The following C1orf232 variants were observed in gnomAD, a reference collection of about 807,000 sequenced individuals.
C1orf232 encodes the protein chromosome 1 open reading frame 230.
C1orf232 carries 10 observed loss-of-function variants against 12.1 expected under a neutral mutation model. That is an observed-to-expected ratio of 0.82 (90% confidence interval 0.51 to 1.40). The LOEUF is 1.40. C1orf232 is among the 40% of genes most tolerant of loss of function. The pLI is 0.00. For synonymous variants in C1orf232, 36 were observed against 39.8 expected (o/e 0.90, Z 0.36); for missense variants, 88 against 98.4 (o/e 0.89, Z 0.45).
intron 1 of C1orf232, among the ~76,000 whole-genome samples, chr1:26,168,113 C>A (rs1302861583): frequency 1.3e-5 from 2 of 152,164 alleles, no homozygotes; most frequent in Non-Finnish European, 2.9e-5. Flanking sequence ...AAAGTTGTGT[C>A]CAGCTAAGTG....
At chr1:26,165,373 A>T (rs1163772537) in intron 3 of C1orf232, among the ~76,000 whole-genome samples, 2 of 152,130 alleles carry the variant, frequency 1.3e-5, no homozygotes, top group African/African-American at 4.8e-5. Flanking sequence ...TGCTGAAAAC[A>T]TGGCTAGATC....
At position 26,164,233 on chromosome 1, in the gene C1orf232, G is replaced by A. The variant is rs112999931; in HGVS notation, c.489C>T (p.Ala163=). ...RPESQEAEPV[A]GFKWGFLTHK... ...GAGTGAGGAAGCCCCACTTGAAGCCGGCCACCGGCTCGGCCTCCTGCGACT... is the reference window on the plus strand; with the variant it reads ...GAGTGAGGAAGCCCCACTTGAAGCCAGCCACCGGCTCGGCCTCCTGCGACT... Residue 163 remains alanine (A), a synonymous_variant, in exon 4 of 4, where the codon GCC becomes GCT. Coordinates refer to ENST00000634842, the MANE Select transcript of C1orf232 (RefSeq NM_001364669.2). This position sits in a 1 kb window ranked among gnomAD's most constrained non-coding sequence, Gnocchi z 4.2. 5.6e-3 allele frequency: 2,225 copies of A among 398,478 alleles called. 39 individuals carry two copies. Among genetic ancestry groups the A allele is most frequent in the African/African-American group, 0.041 (2,021 of 48,740 alleles). 24.7% of individuals were successfully genotyped at this position (398,478 alleles called of 1,614,324 possible).
rs1001807789 is a variant in C1orf232, at chr1:26,165,727, C to G, written c.266+99G>C. The G allele has an allele frequency of 1.1e-5, 14 of 1,231,354 alleles. No homozygotes were observed. The African/African-American group carries it at 2.2e-4, about 19-fold the overall frequency. 76.3% of individuals were successfully genotyped at this position (1,231,354 alleles called of 1,614,324 possible). On this transcript the variant is annotated intron_variant, in intron 3 of 3. Transcript: ENST00000634842. ...AGCCTGGGACTGCCCCTCCCCAGCC[C>G]TCAGTGGTTAGAAAGACAAACAAAC...
rs941407853 is a variant in C1orf232 at position 26,164,173 on chromosome 1, G to A, written c.549C>T (p.Pro183=). ...TTCTGCCAGCCTGCTAGTCACCCTT[G>A]GGCGCAGCCTTCACCCTCATCTCGG... ...KLAEMRVKAA[P]KGD Residue 183 remains proline, a synonymous_variant, in exon 4 of 4, where the codon CCC becomes CCT. Transcript: ENST00000634842. This position sits in a 1 kb window ranked among gnomAD's most constrained non-coding sequence, Gnocchi z 4.2. 1.8e-5 allele frequency: 7 copies of A among 398,356 alleles called. No homozygotes were observed. The highest frequency in any genetic ancestry group is 2.7e-5 in the Non-Finnish European group (6 of 225,956). 24.7% of individuals were successfully genotyped at this position (398,356 alleles called of 1,614,324 possible). A position where few individuals can be genotyped will look rare whatever the true frequency, so the allele number is the denominator to read the frequency against.
Position 26,164,548 on chromosome 1 carries a change from A to G in C1orf232, c.267-93T>C, listed in dbSNP as rs1170971663. ...CGGAGGAGTTTAGTGGGGCCGGGGG[A>G]ACCTGGGCGGAGTCAGGGGCAGTGG... On this transcript the variant is annotated intron_variant, in intron 3 of 3. Coordinates refer to ENST00000634842, the MANE Select transcript of C1orf232 (RefSeq NM_001364669.2). This position sits in a 1 kb window ranked among gnomAD's most constrained non-coding sequence, Gnocchi z 4.2. 3 of 355,878 alleles carry G rather than the reference A, an allele frequency of 8.4e-6. No individual in the cohort carries two copies. Among genetic ancestry groups the G allele is most frequent in the East Asian group, 4.3e-5 (1 of 23,296 alleles). 22.0% of individuals were successfully genotyped at this position (355,878 alleles called of 1,614,324 possible).
chr1:26,165,206 G>C (rs1194289930), intron 3 of C1orf232, among the ~76,000 whole-genome samples: 1 of 151,938 alleles, frequency 6.6e-6, no homozygotes, highest in Non-Finnish European at 1.5e-5. Flanking sequence ...GTGAGAGGGG[G>C]ATGTGATCAG....
At position 26,164,525 on chromosome 1, in the gene C1orf232, G is replaced by A. The variant is rs1372691574; in HGVS notation, c.267-70C>T. 8.1e-6 allele frequency: 3 copies of A among 368,308 alleles called. No homozygotes were observed. The highest frequency in any genetic ancestry group is 4.2e-5 in the African/African-American group (2 of 47,366). The allele number at this position is 368,308 out of a possible 1,614,324, so 22.8% of individuals were successfully genotyped here. On this transcript the variant is annotated intron_variant, in intron 3 of 3. Transcript: ENST00000634842. The surrounding 1 kb of genome is among the most constrained non-coding windows in gnomAD (Gnocchi z 4.2). Reference sequence around the variant, plus strand: ...CGGAGGAACATCGGCTGGGCTGACGGAGGAGTTTAGTGGGGCCGGGGGAAC... The same window carrying A: ...CGGAGGAACATCGGCTGGGCTGACGAAGGAGTTTAGTGGGGCCGGGGGAAC...
intron 1 of C1orf232, among the ~76,000 whole-genome samples, chr1:26,167,597 T>C (rs2088439571): frequency 6.6e-6 from 1 of 152,176 alleles, no homozygotes; most frequent in Non-Finnish European, 1.5e-5. Flanking sequence ...AGTGCTAGTA[T>C]TACAGGCAGA....
rs943699329 is a variant in C1orf232 at position 26,164,385 on chromosome 1, C to T, written c.337G>A (p.Ala113Thr). 5.1e-6 allele frequency: 2 copies of T among 390,988 alleles called. No individual in the cohort carries two copies. Among genetic ancestry groups the T allele is most frequent in the Non-Finnish European group, 9.0e-6 (2 of 221,302 alleles). The allele number at this position is 390,988 out of a possible 1,614,324, so 24.2% of individuals were successfully genotyped here. The change falls in exon 4 of 4, where the codon GCG (alanine) becomes ACG (threonine). Residue 113 changes from alanine to threonine, a missense_variant. Transcript: ENST00000634842. This position sits in a 1 kb window ranked among gnomAD's most constrained non-coding sequence, Gnocchi z 4.2. ...AEARGPGFWD[A>T]FASRWQQQQA... ...TGCTGCTGCCACCTGCTGGCGAACG[C>T]GTCCCAGAAGCCCGGGCCGCGCGCC...
At chr1:26,168,320 C>T in intron 1 of C1orf232, 96 bp downstream of exon 1, 1 of 884,886 alleles carries the variant, frequency 1.1e-6, no homozygotes, top group African/African-American at 1.7e-5. Context: ...AATGTGGCCC[C>T]CCCACCTCCA....
Position 26,168,623 on chromosome 1 carries a change from T to A in C1orf232, c.-124A>T. ...CTGTCCGAGGGATCCAGTGACTTCATTAAAGATGCACCAGCCTCCCCAGCT... is the reference window on the plus strand; with the variant it reads ...CTGTCCGAGGGATCCAGTGACTTCAATAAAGATGCACCAGCCTCCCCAGCT... On this transcript the variant is annotated 5_prime_UTR_variant, in exon 1 of 4. It removes an upstream start codon present in the reference 5' UTR. Transcript: ENST00000634842. The A allele has an allele frequency of 1.8e-6, 1 of 552,760 alleles. No individual in the cohort carries two copies. Among genetic ancestry groups the A allele is most frequent in the East Asian group, 3.5e-5 (1 of 28,732 alleles). The allele number at this position is 552,760 out of a possible 1,614,324, so 34.2% of individuals were successfully genotyped here.
rs2088407894 is a variant in C1orf232 at position 26,164,794 on chromosome 1, G to A, written c.267-339C>T. ...AGGCTCGAGGAGGGACGCTGGAGGC[G>A]TGCGCAGGTCTGGGAAGCTGGAAGG... On this transcript the variant is annotated intron_variant, in intron 3 of 3. Transcript: ENST00000634842. This position sits in a 1 kb window ranked among gnomAD's most constrained non-coding sequence, Gnocchi z 4.2. Among the ~76,000 whole-genome samples, 1 of 152,136 alleles carries A rather than the reference G, an allele frequency of 6.6e-6. No individual in the cohort carries two copies.
Position 26,164,524 on chromosome 1 carries a change from G to T in C1orf232, c.267-69C>A, listed in dbSNP as rs1027150815. On this transcript the variant is annotated intron_variant, in intron 3 of 3. Transcript: ENST00000634842. The surrounding 1 kb of genome is among the most constrained non-coding windows in gnomAD (Gnocchi z 4.2). Reference sequence around the variant, plus strand: ...GCGGAGGAACATCGGCTGGGCTGACGGAGGAGTTTAGTGGGGCCGGGGGAA... The same window carrying T: ...GCGGAGGAACATCGGCTGGGCTGACTGAGGAGTTTAGTGGGGCCGGGGGAA... 6 of 368,834 alleles carry T rather than the reference G, an allele frequency of 1.6e-5. No homozygotes were observed. The highest frequency in any genetic ancestry group is 2.9e-5 in the Non-Finnish European group (6 of 207,002). 22.8% of individuals were successfully genotyped at this position (368,834 alleles called of 1,614,324 possible). A position where few individuals can be genotyped will look rare whatever the true frequency, so the allele number is the denominator to read the frequency against.
intron 1 of C1orf232, among the ~76,000 whole-genome samples, chr1:26,167,278 A>G (rs186491451): frequency 1.3e-5 from 2 of 152,036 alleles, no homozygotes; most frequent in East Asian, 1.9e-4. Context: ...TGGAGCCTCG[A>G]CCTCCCTGGG....
intron 1 of C1orf232, among the ~76,000 whole-genome samples, chr1:26,167,136 C>T (rs1054167651): frequency 6.6e-6 from 1 of 152,226 alleles, no homozygotes; most frequent in Non-Finnish European, 1.5e-5. Context: ...ATTCCTGCCT[C>T]TGCCACATTT....
chr1:26,166,470 C>G (rs958264416), intron 1 of C1orf232, among the ~76,000 whole-genome samples: 2 of 152,280 alleles, frequency 1.3e-5, no homozygotes, highest in African/African-American at 4.8e-5. Context: ...AGGCACCCAC[C>G]ACCGCCCTGC....
intron 1 of C1orf232, 137 bp from the exon 2 acceptor site, chr1:26,166,255 G>T: frequency 2.1e-6 from 1 of 487,352 alleles, no homozygotes; most frequent in Non-Finnish European, 3.2e-6. Flanking sequence ...ACACTCCACA[G>T]ATCCACAAGG....
rs191328134 is a variant in C1orf232, at chr1:26,168,701, T to C, written c.-202A>G. The C allele has an allele frequency of 8.2e-3, 3,221 of 393,960 alleles. 17 individuals are homozygous for C. Among genetic ancestry groups the C allele is most frequent in the Non-Finnish European group, 0.011 (2,392 of 224,192 alleles). 24.4% of individuals were successfully genotyped at this position (393,960 alleles called of 1,614,324 possible). On this transcript the variant is annotated 5_prime_UTR_variant, in exon 1 of 4. Transcript: ENST00000634842. ...TCCAAAGGAGTCGGGGAGTGGGGGA[T>C]GGAACAAGCTTCTGCCACCTTAGCC...
chr1:26,165,144 G>A (rs1319560577), intron 3 of C1orf232, among the ~76,000 whole-genome samples: 2 of 151,680 alleles, frequency 1.3e-5, no homozygotes, highest in African/African-American at 4.9e-5. Flanking sequence ...ACCTGGGGGC[G>A]GGAGAGGCTG....
Sources: allele counts gnomAD v4.1 joint callset (sites outside exome capture counted in the v4.1 genomes callset), GRCh38; gene constraint gnomAD v4.1.1; non-coding constraint Gnocchi (gnomAD v3.1); transcripts MANE v1.5; gene names NCBI Gene and HGNC (gene_info 2026-07-23, HGNC 2026-07-21).